Variants in C8B observed in about 807,000 individuals in gnomAD.
The protein encoded by C8B is complement C8 beta chain.
Under a neutral mutation model 64.6 loss-of-function variants are expected in C8B, and 67 were observed. The ratio of observed to expected loss-of-function variants is 1.04; its 90% CI spans 0.85 to 1.27. The LOEUF is 1.27. C8B is among the 50% of genes most tolerant of loss of function. The pLI is 0.00. For synonymous variants in C8B, 284 were observed against 257.7 expected (o/e 1.10, Z -0.98); for missense variants, 790 against 725.2 (o/e 1.09, Z -1.03).
Position 56,943,536 on chromosome 1 carries a change from C to T in C8B, c.1234+160G>A, listed in dbSNP as rs545408026. ...AGCAACACTAAGTCATGTTAGTTAG[C>T]GATATGTTAGATGGTAAAACTATAA... On this transcript the variant is annotated intron_variant, in intron 8 of 11. Coordinates refer to ENST00000371237, the MANE Select transcript of C8B (RefSeq NM_000066.4). Among the ~76,000 whole-genome samples, 26 of 152,176 alleles carry T rather than the reference C, an allele frequency of 1.7e-4. No individual in the cohort carries two copies. In the East Asian group the frequency reaches 5.0e-3, roughly 29 times the overall value.
At chr1:56,964,425 C>A (rs1570411653) in intron 1 of C8B, among the ~76,000 whole-genome samples, 1 of 152,180 alleles carries the variant, frequency 6.6e-6, no homozygotes, top group East Asian at 1.9e-4. Context: ...CAACTTCCTG[C>A]CGGGACCTGT....
intron 1 of C8B, 129 bp from the exon 2 acceptor site, chr1:56,960,305 G>T (rs1486800177): frequency 3.7e-6 from 3 of 800,336 alleles, no homozygotes; most frequent in Admixed American, 4.0e-5. Flanking sequence ...TATCATTCCA[G>T]GATAACCTAT....
chr1:56,936,554 G>A (rs1353310419), intron 9 of C8B, among the ~76,000 whole-genome samples: 1 of 134,564 alleles, frequency 7.4e-6, no homozygotes, highest in African/African-American at 2.8e-5. Context: ...CAGCCATTTA[G>A]TTATATTCAT....
chr1:56,960,382 C>T (rs988838179), intron 1 of C8B, among the ~76,000 whole-genome samples: 1 of 152,022 alleles, frequency 6.6e-6, no homozygotes, highest in African/African-American at 2.4e-5. Context: ...AATTCCATTC[C>T]TTAATTAATT....
rs577632977 is a variant in C8B at position 56,947,947 on chromosome 1, A to G, written c.864+1608T>C. 5.8e-5 allele frequency among the ~76,000 whole-genome samples: 5 copies of G among 85,990 alleles called. No homozygotes were observed. In the East Asian group the frequency reaches 1.4e-3, roughly 25 times the overall value. The allele number at this position is 85,990 out of a possible 152,430, so 56.4% of individuals were successfully genotyped here. On this transcript the variant is annotated intron_variant, in intron 6 of 11. Coordinates refer to ENST00000371237, the MANE Select transcript of C8B (RefSeq NM_000066.4). The stretch of plus-strand genomic sequence containing the variant: ...CTCTGTCTCAAAAACAAAACAAAAC[A>G]AAACAAAACAAACAAACAAACAAAA...
Position 56,960,111 on chromosome 1 carries a change from A to G in C8B, c.158T>C (p.Met53Thr). Residue 53 changes from methionine to threonine, a missense_variant, in exon 2 of 12, where the codon ATG (methionine) becomes ACG (threonine). Physicochemically the swap from Met to Thr is moderately conservative, Grantham distance 81. Transcript: ENST00000371237. ...CATCAGGGTAACATCCACACTCCGC[A>G]TCTGTCTGCTCTTAGCAAAGCTCTT... is the stretch of plus-strand genomic sequence containing the variant. ...VNKSFAKSRQ[M>T]RSVDVTLMPI... The G allele has an allele frequency of 1.2e-6, 2 of 1,614,180 alleles. No individual in the cohort carries two copies. Among genetic ancestry groups the G allele is most frequent in the African/African-American group, 1.3e-5 (1 of 75,056 alleles).
intron 2 of C8B, among the ~76,000 whole-genome samples, chr1:56,958,493 G>T (rs901675101): frequency 5.9e-5 from 9 of 151,576 alleles, no homozygotes; most frequent in African/African-American, 2.2e-4. Context: ...AGAGAACACT[G>T]TGAAAAAAAA....
intron 3 of C8B, among the ~76,000 whole-genome samples, chr1:56,955,299 G>T (rs1645086551): frequency 1.3e-5 from 2 of 152,200 alleles, no homozygotes; most frequent in African/African-American, 2.4e-5. Context: ...TCGTGTTTTT[G>T]AGGGCCAAGT....
At chr1:56,956,668 A>G (rs916037920) in intron 3 of C8B, 101 bp downstream of exon 3, 3 of 1,339,578 alleles carry the variant, frequency 2.2e-6, no homozygotes, top group African/African-American at 1.4e-5. Context: ...GAGCTGCCCC[A>G]TGACCCTGAT....
At chr1:56,943,665 A>G in intron 8 of C8B, 31 bp downstream of exon 8, 1 of 1,613,532 alleles carries the variant, frequency 6.2e-7, no homozygotes, top group Non-Finnish European at 8.5e-7. Flanking sequence ...AAACATTATA[A>G]GTGTGGAAGT....
chr1:56,952,270 T>C (rs1645034240), intron 4 of C8B, 90 bp from the exon 5 acceptor site: 1 of 1,564,222 alleles, frequency 6.4e-7, no homozygotes, highest in South Asian at 1.1e-5. Context: ...AAACAAAAAC[T>C]CCTTGGCACA....
At chr1:56,940,813 G>A in intron 9 of C8B, 36 bp downstream of exon 9, 1 of 1,613,148 alleles carries the variant, frequency 6.2e-7, no homozygotes, top group Middle Eastern at 1.7e-4. Context: ...CTATTTTCTG[G>A]GTGGAGGAAA....
chr1:56,955,511 A>G (rs182534563), intron 3 of C8B, among the ~76,000 whole-genome samples: 81 of 152,334 alleles, frequency 5.3e-4, no homozygotes, highest in Non-Finnish European at 1.1e-3. Flanking sequence ...GATAAAGCCC[A>G]TAAGACAGGT....
rs202207968 is a variant in C8B, at chr1:56,949,568, C to T, written c.851G>A (p.Arg284Gln). ...AGACATACTTACAGTATGAGAGAAT[C>T]GTTTGGTTCTCCTAATATAGTGTTT... is the stretch of plus-strand genomic sequence containing the variant. ...RGKHYIRRTK[R>Q]FSHTKSVFLH... Residue 284 changes from arginine (R) to glutamine (Q), a missense_variant, in exon 6 of 12, where the codon CGA becomes CAA. By Grantham distance (43) the Arg-to-Gln change is conservative (BLOSUM62 1). Coordinates refer to ENST00000371237, the MANE Select transcript of C8B (RefSeq NM_000066.4). The T allele has an allele frequency of 4.3e-6, 7 of 1,613,450 alleles. No homozygotes were observed. The highest frequency in any genetic ancestry group is 3.3e-5 in the Admixed American group (2 of 60,004).
chr1:56,965,126 C>T (rs1354912342), intron 1 of C8B, among the ~76,000 whole-genome samples: 2 of 152,194 alleles, frequency 1.3e-5, no homozygotes, highest in Admixed American at 6.5e-5. Context: ...AATGGAATTA[C>T]AGTCCCTCTT....
At chr1:56,931,615 A>G (rs1343577429) in intron 11 of C8B, 195 bp downstream of exon 11, 2 of 562,252 alleles carry the variant, frequency 3.6e-6, no homozygotes, top group Non-Finnish European at 6.6e-6. Context: ...CTGTGTTGTA[A>G]AAATAATGAA....
At chr1:56,951,826 A>G (rs1022948193) in intron 5 of C8B, among the ~76,000 whole-genome samples, 2 of 152,188 alleles carry the variant, frequency 1.3e-5, no homozygotes, top group African/African-American at 4.8e-5. Flanking sequence ...AGCTTTTGAT[A>G]TTATGGTTTC....
At position 56,930,977 on chromosome 1, in the gene C8B, G is replaced by A. The variant is rs143045006; in HGVS notation, c.1621+833C>T. 1.2e-4 allele frequency among the ~76,000 whole-genome samples: 18 copies of A among 152,266 alleles called. No homozygotes were observed. In the East Asian group the frequency reaches 3.3e-3, roughly 28 times the overall value. On this transcript the variant is annotated intron_variant, in intron 11 of 11. Transcript: ENST00000371237. The stretch of plus-strand genomic sequence containing the variant: ...GAGGCATAAAGAGGTCAAGTATCTT[G>A]CTCCAGGTCAGTTATTAAATGATGG...
intron 9 of C8B, among the ~76,000 whole-genome samples, chr1:56,936,339 T>C (rs866344702): frequency 6.6e-6 from 1 of 152,216 alleles, no homozygotes; most frequent in Non-Finnish European, 1.5e-5. Context: ...TCAATCACTG[T>C]CCCTTTAATA....
Sources: gnomAD v4.1 joint callset for allele counts (sites outside exome capture counted in the v4.1 genomes callset) on GRCh38, gnomAD v4.1.1 for gene constraint, MANE v1.5 for transcripts, NCBI Gene and HGNC (gene_info 2026-07-23, HGNC 2026-07-21) for gene names.